The following CTNNA3 variants were observed in gnomAD, a reference collection of about 807,000 sequenced individuals.
The protein encoded by CTNNA3 is catenin alpha 3, also known as catenin alpha-3.
A neutral mutation model predicts 95.7 loss-of-function variants in CTNNA3; 76 were observed. That is an observed-to-expected ratio of 0.79 (90% CI 0.66 to 0.96). The LOEUF (loss-of-function observed/expected upper bound fraction) is 0.96, where lower values mean the gene tolerates loss of function less well. CTNNA3 is among the 40% of genes least tolerant of loss of function. The pLI, the probability that CTNNA3 is intolerant of heterozygous loss-of-function variation, is 0.00. For synonymous variants in CTNNA3, 431 were observed against 374.4 expected (o/e 1.15, Z -1.74); for missense variants, 1,191 against 1,089.8 (o/e 1.09, Z -1.31).
At position 67,596,696 on chromosome 10, in the gene CTNNA3, T is replaced by C. The variant is rs117831189; in HGVS notation, c.292+10161A>G. 2.8e-3 allele frequency among the ~76,000 whole-genome samples: 430 copies of C among 152,338 alleles called. 1 individual carries two copies. Among genetic ancestry groups the C allele is most frequent in the Middle Eastern group, 0.01 (3 of 294 alleles). ...CCTGCCCCTTCTCTCTAGATGCCTA[T>C]AGTACTATTTCTTTGGCATTTGCCT... On this transcript the variant is annotated intron_variant, in intron 3 of 17. Coordinates refer to ENST00000433211, the MANE Select transcript of CTNNA3 (RefSeq NM_013266.4).
intron 5 of CTNNA3, among the ~76,000 whole-genome samples, chr10:67,309,229 T>C (rs1840683316): frequency 1.3e-5 from 2 of 152,098 alleles, no homozygotes; most frequent in Admixed American, 6.5e-5. Flanking sequence ...GAAAAAAATA[T>C]GCACAAACTT....
intron 1 of CTNNA3, among the ~76,000 whole-genome samples, chr10:67,703,299 CA>C (rs1448171331): frequency 1.3e-5 from 2 of 149,500 alleles, no homozygotes; most frequent in Admixed American, 6.6e-5. Flanking sequence ...ATCCTGATAC[CA>C]AAGCCTGGCA....
At chr10:66,922,745 A>G (rs1395995632) in intron 7 of CTNNA3, among the ~76,000 whole-genome samples, 1 of 152,188 alleles carries the variant, frequency 6.6e-6, no homozygotes, top group East Asian at 1.9e-4. Flanking sequence ...CAATCAATAC[A>G]TTGCTACCAA....
chr10:67,138,806 T>C (rs1346575436), intron 7 of CTNNA3, among the ~76,000 whole-genome samples: 1 of 152,194 alleles, frequency 6.6e-6, no homozygotes, highest in East Asian at 1.9e-4. Context: ...TCCACCAGCA[T>C]CCATGCATTT....
chr10:67,160,684 C>A (rs1341444880), intron 7 of CTNNA3, among the ~76,000 whole-genome samples: 1 of 152,078 alleles, frequency 6.6e-6, no homozygotes, highest in Non-Finnish European at 1.5e-5. Context: ...GGTCTCCCTG[C>A]CTCAGCCTCT....
chr10:65,942,387 T>A lies in CTNNA3; in HGVS notation c.2401-21770A>T, dbSNP rs60700208. On this transcript the variant is annotated intron_variant, in intron 17 of 17. Coordinates refer to ENST00000433211, the MANE Select transcript of CTNNA3 (RefSeq NM_013266.4). ...ACTAAAAATACAAAAATTAGCCAGG[T>A]GTGGTGGCAGGTGCCTATAGTGTCC... 9.9e-5 allele frequency among the ~76,000 whole-genome samples: 15 copies of A among 151,956 alleles called. No homozygotes were observed. The Middle Eastern group carries it at 0.017, about 175-fold the overall frequency.
chr10:66,818,480 T>A lies in CTNNA3; in HGVS notation c.1048-42956A>T, dbSNP rs551885196. 1.2e-4 allele frequency among the ~76,000 whole-genome samples: 18 copies of A among 152,266 alleles called. No individual in the cohort carries two copies. In the East Asian group the frequency reaches 2.9e-3, roughly 24 times the overall value. On this transcript the variant is annotated intron_variant, in intron 7 of 17. Transcript: ENST00000433211. ...TCTCTATATCTATACACTTGAACAG[T>A]CTGAATATGAAATTAAAATTCCACG...
At chr10:65,973,562 C>CA (rs991155750) in intron 16 of CTNNA3, among the ~76,000 whole-genome samples, 1 of 151,922 alleles carries the variant, frequency 6.6e-6, no homozygotes, top group Non-Finnish European at 1.5e-5. Context: ...TGAATTGCTA[C>CA]AAAAAAATAC....
At chr10:66,362,713 C>G (rs10997091) in intron 12 of CTNNA3, among the ~76,000 whole-genome samples, 54,186 of 150,860 alleles carry the variant, frequency 0.36, 11,093 homozygotes, top group Non-Finnish European at 0.46. Context: ...ACTACTTCCC[C>G]CTGCCGACCA....
At chr10:66,329,640 C>G (rs372556735) in intron 12 of CTNNA3, among the ~76,000 whole-genome samples, 2 of 151,066 alleles carry the variant, frequency 1.3e-5, no homozygotes, top group Admixed American at 1.3e-4. Flanking sequence ...AAAGAATGAA[C>G]GAACAGTTGA....
chr10:66,909,538 TAAA>T (rs1846134793), intron 7 of CTNNA3, among the ~76,000 whole-genome samples: 2 of 151,426 alleles, frequency 1.3e-5, no homozygotes, highest in African/African-American at 4.9e-5. Context: ...AATAAATAAA[TAAA>T]TCACTACCTT....
At chr10:67,469,124 A>G (rs919619178) in intron 5 of CTNNA3, among the ~76,000 whole-genome samples, 1 of 152,176 alleles carries the variant, frequency 6.6e-6, no homozygotes, top group Non-Finnish European at 1.5e-5. Context: ...CTCTAAGAAC[A>G]AAAAACAGTC....
At chr10:67,490,780 T>C (rs1848617523) in intron 5 of CTNNA3, among the ~76,000 whole-genome samples, 1 of 152,084 alleles carries the variant, frequency 6.6e-6, no homozygotes, top group African/African-American at 2.4e-5. Flanking sequence ...GAGGTGGTCT[T>C]AGAAAGGCCT....
In CTNNA3 at chr10:67,307,164, G is replaced by T. The variant is rs139747193; in HGVS notation, c.580-87294C>A. On this transcript the variant is annotated intron_variant, in intron 5 of 17. Coordinates refer to ENST00000433211, the MANE Select transcript of CTNNA3 (RefSeq NM_013266.4). The stretch of plus-strand genomic sequence containing the variant: ...TTTTGGACTTCATTTTCCTCATCAG[G>T]AAAGTATGGAAAAAAATATCTTTTA... 4.5e-3 allele frequency among the ~76,000 whole-genome samples: 686 copies of T among 152,118 alleles called. 6 individuals carry two copies. Among genetic ancestry groups the T allele is most frequent in the African/African-American group, 0.015 (643 of 41,500 alleles).
intron 9 of CTNNA3, among the ~76,000 whole-genome samples, chr10:66,657,276 A>G (rs1182202744): frequency 6.6e-6 from 1 of 152,088 alleles, no homozygotes; most frequent in African/African-American, 2.4e-5. Context: ...TTAAGTTTTG[A>G]TCCTGACTTG....
rs1291928943 is a variant in CTNNA3, at chr10:66,547,345, TTC to T, written c.1375-26574_1375-26573del. 2.9e-5 allele frequency among the ~76,000 whole-genome samples: 3 copies of T among 103,192 alleles called. 1 individual carries two copies. Among genetic ancestry groups the T allele is most frequent in the Admixed American group, 1.0e-4 (1 of 9,738 alleles). 67.7% of individuals were successfully genotyped at this position (103,192 alleles called of 152,430 possible). A position where few individuals can be genotyped will look rare whatever the true frequency, so the allele number is the denominator to read the frequency against. On this transcript the variant is annotated intron_variant, in intron 10 of 17. Coordinates refer to ENST00000433211, the MANE Select transcript of CTNNA3 (RefSeq NM_013266.4). ...TCTTGTTCCTTTGATTTTTCTTTCT[TTC>T]TTTTTTTTTTTTTTGAGATAGAGTC...
At chr10:66,370,429 T>TAC (rs1205733320) in intron 12 of CTNNA3, among the ~76,000 whole-genome samples, 1 of 152,192 alleles carries the variant, frequency 6.6e-6, no homozygotes, top group African/African-American at 2.4e-5. Context: ...TTTAAAAACA[T>TAC]ACACTATGTT....
intron 5 of CTNNA3, among the ~76,000 whole-genome samples, chr10:67,406,545 T>C (rs1433335906): frequency 2.6e-5 from 4 of 151,808 alleles, no homozygotes; most frequent in African/African-American, 9.7e-5. Context: ...ATAACAAAGC[T>C]AGCTGAAGAC....
intron 10 of CTNNA3, among the ~76,000 whole-genome samples, chr10:66,565,890 A>G (rs79464135): frequency 0.048 from 7,246 of 152,256 alleles, 220 homozygotes; most frequent in African/African-American, 0.067. Flanking sequence ...GTTGCTTTTC[A>G]TTATATCCCA....
Sources: allele counts gnomAD v4.1 joint callset (sites outside exome capture counted in the v4.1 genomes callset), GRCh38; gene constraint gnomAD v4.1.1; transcripts MANE v1.5; gene names NCBI Gene and HGNC (gene_info 2026-07-23, HGNC 2026-07-21).